C6orf118: variants seen among roughly 807,000 people sequenced by gnomAD.
C6orf118 encodes the protein chromosome 6 open reading frame 118, also known as uncharacterized protein C6orf118.
A neutral mutation model predicts 50.2 loss-of-function variants in C6orf118; 50 were observed. The observed-to-expected ratio is 1.00, with a 90% confidence interval of 0.79 to 1.26. C6orf118 has a LOEUF of 1.26. C6orf118 is among the 50% of genes most tolerant of loss of function. The pLI is 0.00. For missense variants in C6orf118, 641 were observed against 578.7 expected (o/e 1.11, Z -1.10); for synonymous variants, 239 against 230.9 (o/e 1.03, Z -0.32).
intron 6 of C6orf118, among the ~76,000 whole-genome samples, chr6:165,290,990 C>A (rs189225342): frequency 9.9e-5 from 15 of 152,062 alleles, no homozygotes; most frequent in Admixed American, 2.0e-4. Context: ...ATGAGAAATA[C>A]GCAAAAGGGG....
chr6:165,283,465 C>T (rs1779800546), intron 7 of C6orf118, among the ~76,000 whole-genome samples: 1 of 152,326 alleles, frequency 6.6e-6, no homozygotes, highest in Middle Eastern at 3.4e-3. Flanking sequence ...AAGCGCAGTG[C>T]ACCTGCTCCA....
chr6:165,286,620 T>G (rs1779912762), intron 7 of C6orf118, among the ~76,000 whole-genome samples: 1 of 152,022 alleles, frequency 6.6e-6, no homozygotes, highest in African/African-American at 2.4e-5. Context: ...AAGACTGGTT[T>G]GACATACACA....
rs137862352 is a variant in C6orf118 at position 165,299,352 on chromosome 6, C to T, written c.936+91G>A. 21 of 1,121,688 alleles carry T rather than the reference C, an allele frequency of 1.9e-5. No individual in the cohort carries two copies. In the Admixed American group the frequency reaches 3.8e-4, roughly 20 times the overall value. The allele number at this position is 1,121,688 out of a possible 1,614,324, so 69.5% of individuals were successfully genotyped here. ...TCTAAATTATGGGGCACACATGGGG[C>T]TTCTTGGATTCAGAAAGGTTTCCAC... On this transcript the variant is annotated intron_variant, in intron 4 of 8. Transcript: ENST00000230301.
At chr6:165,293,516 A>G (rs1780181072) in intron 5 of C6orf118, 45 bp from the exon 6 acceptor site, 7 of 1,520,726 alleles carry the variant, frequency 4.6e-6, no homozygotes, top group Non-Finnish European at 6.4e-6. Context: ...GATCCCCATT[A>G]TATCTTTTGT....
intron 5 of C6orf118, among the ~76,000 whole-genome samples, chr6:165,296,319 C>G (rs1416777728): frequency 1.5e-5 from 2 of 131,280 alleles, no homozygotes; most frequent in East Asian, 2.8e-4. Context: ...TTTTCTCACT[C>G]CAGAAGCAGG....
intron 1 of C6orf118, 149 bp from the exon 2 acceptor site, chr6:165,302,445 TC>T: frequency 9.5e-7 from 1 of 1,048,878 alleles, no homozygotes; most frequent in Non-Finnish European, 1.3e-6. Flanking sequence ...CCCTTAAAAG[TC>T]AAAGGCACCC....
chr6:165,281,419 T>G (rs1159248708), intron 8 of C6orf118: 1 of 1,035,560 alleles, frequency 9.7e-7, no homozygotes, highest in Non-Finnish European at 1.3e-6. Context: ...TAGTTTTAAA[T>G]AACTGATCTT....
At chr6:165,281,141 G>C (rs1019311448) in intron 8 of C6orf118, among the ~76,000 whole-genome samples, 61 of 152,050 alleles carry the variant, frequency 4.0e-4, no homozygotes, top group African/African-American at 1.4e-3. Flanking sequence ...ATATGCATAG[G>C]AGTTTTCAAA....
intron 5 of C6orf118, among the ~76,000 whole-genome samples, chr6:165,294,882 CAAAGA>C (rs1196749956): frequency 1.3e-5 from 2 of 151,676 alleles, no homozygotes; most frequent in Non-Finnish European, 2.9e-5. Context: ...GACCCTGTCT[CAAAGA>C]AAAAAATTTA....
chr6:165,290,255 C>A (rs1340171421), intron 6 of C6orf118, among the ~76,000 whole-genome samples, 188 bp from the exon 7 acceptor site: 1 of 152,062 alleles, frequency 6.6e-6, no homozygotes, highest in Non-Finnish European at 1.5e-5. Flanking sequence ...TTAATTCATT[C>A]CTCTAATCAA....
At chr6:165,306,487 TAA>T (rs148314295) in intron 1 of C6orf118, among the ~76,000 whole-genome samples, 11,417 of 80,604 alleles carry the variant, frequency 0.14, 617 homozygotes, top group African/African-American at 0.2. Context: ...AAAAAAATTA[TAA>T]AAAAAAAAGA....
intron 3 of C6orf118, 107 bp downstream of exon 3, chr6:165,300,257 G>T (rs1462919363): frequency 3.0e-6 from 4 of 1,327,222 alleles, no homozygotes; most frequent in Non-Finnish European, 4.2e-6. Context: ...TCTGTAGAAG[G>T]GGGCCTGTGA....
Position 165,309,433 on chromosome 6 carries a change from C to G in C6orf118, c.25+129G>C. ...CAATCCAGTCCTCAGCCCTAGTGAC[C>G]CTGGAGCCGGCGTGCAGCCACCAGA... On this transcript the variant is annotated intron_variant, in intron 1 of 8. Coordinates refer to ENST00000230301, the MANE Select transcript of C6orf118 (RefSeq NM_144980.4). 4 of 1,105,250 alleles carry G rather than the reference C, an allele frequency of 3.6e-6. No individual in the cohort carries two copies. In the East Asian group the frequency reaches 9.7e-5, roughly 27 times the overall value. 68.5% of individuals were successfully genotyped at this position (1,105,250 alleles called of 1,614,324 possible). A position where few individuals can be genotyped will look rare whatever the true frequency, so the allele number is the denominator to read the frequency against.
intron 4 of C6orf118, among the ~76,000 whole-genome samples, chr6:165,298,514 G>T (rs1287406753): frequency 6.6e-6 from 1 of 152,154 alleles, no homozygotes; most frequent in East Asian, 1.9e-4. Context: ...CTCAAATGGG[G>T]AGCAACAGAG....
At chr6:165,282,970 G>C (rs776225320) in intron 7 of C6orf118, among the ~76,000 whole-genome samples, 1 of 152,104 alleles carries the variant, frequency 6.6e-6, no homozygotes, top group Non-Finnish European at 1.5e-5. Flanking sequence ...ATTGATGCTT[G>C]TCCTGAGGAC....
intron 6 of C6orf118, among the ~76,000 whole-genome samples, chr6:165,292,280 G>A (rs547261554): frequency 6.6e-6 from 1 of 152,248 alleles, no homozygotes; most frequent in African/African-American, 2.4e-5. Flanking sequence ...AAATGTGTAT[G>A]ATTGGAGGAG....
Position 165,279,908 on chromosome 6 carries a change from T to G in C6orf118, c.*149A>C. 1.4e-6 allele frequency: 1 copy of G among 708,550 alleles called. No homozygotes were observed. Among genetic ancestry groups the G allele is most frequent in the Non-Finnish European group, 2.2e-6 (1 of 448,958 alleles). 43.9% of individuals were successfully genotyped at this position (708,550 alleles called of 1,614,324 possible). On this transcript the variant is annotated 3_prime_UTR_variant, in exon 9 of 9. Coordinates refer to ENST00000230301, the MANE Select transcript of C6orf118 (RefSeq NM_144980.4). ...CATGTGTGTATTTCAGTATCCTGAG[T>G]AGGATACATATACCACATTAATTTT...
Position 165,302,268 on chromosome 6 carries a change from C to T in C6orf118, c.54G>A (p.Thr18=), listed in dbSNP as rs202066157. 42 of 1,613,526 alleles carry T rather than the reference C, an allele frequency of 2.6e-5. No homozygotes were observed. In the East Asian group the frequency reaches 5.6e-4, roughly 21 times the overall value. ...GATTACACAGGGTCTTCACGCCTGG[C>T]GTCTCGCAGTGCTTCCACTTCAGGT... is the stretch of plus-strand genomic sequence containing the variant. ...ELYLKWKHCE[T]PGVKTLCNLK... The change falls in exon 2 of 9, where the codon ACG becomes ACA. Residue 18 remains threonine, a synonymous_variant. Transcript: ENST00000230301.
intron 6 of C6orf118, among the ~76,000 whole-genome samples, chr6:165,292,754 C>T (rs948366875): frequency 2.0e-5 from 3 of 152,064 alleles, no homozygotes; most frequent in Admixed American, 1.3e-4. Context: ...GCAAATCAGG[C>T]GACAAGAAAC....
Sources: gnomAD v4.1 joint callset for allele counts (sites outside exome capture counted in the v4.1 genomes callset) on GRCh38, gnomAD v4.1.1 for gene constraint, MANE v1.5 for transcripts, NCBI Gene and HGNC (gene_info 2026-07-23, HGNC 2026-07-21) for gene names.